The following CAMK2A variants were observed in gnomAD, a reference collection of about 807,000 sequenced individuals.
CAMK2A encodes the protein calcium/calmodulin dependent protein kinase II alpha.
Under a neutral mutation model 79.2 loss-of-function variants are expected in CAMK2A, and 7 were observed. That is an observed-to-expected ratio of 0.09 (90% confidence interval 0.05 to 0.17). The LOEUF (loss-of-function observed/expected upper bound fraction) is 0.17, where lower values mean the gene tolerates loss of function less well. CAMK2A is among the 10% of genes least tolerant of loss of function. The probability of loss-of-function intolerance (pLI) is 1.00; values close to 1 mark genes in which losing one functional copy is unlikely to be tolerated. For missense variants in CAMK2A, 214 were observed against 646.4 expected, an observed-to-expected ratio of 0.33 and a Z score of 7.25; for synonymous variants, 242 against 251.7, an observed-to-expected ratio of 0.96 and a Z score of 0.36.
intron 1 of CAMK2A, among the ~76,000 whole-genome samples, chr5:150,280,855 C>T (rs1348196124): frequency 6.6e-6 from 1 of 152,212 alleles, no homozygotes; most frequent in Non-Finnish European, 1.5e-5. Context: ...TTCTACCCAC[C>T]CTCTTACCAC....
chr5:150,245,262 C>A, intron 12 of CAMK2A, 61 bp from the exon 13 acceptor site: 1 of 1,540,096 alleles, frequency 6.5e-7, no homozygotes, highest in Non-Finnish European at 9.0e-7. Context: ...GCCCACAGGG[C>A]GAGGACGAGC....
At chr5:150,272,694 C>T (rs1012475792) in intron 2 of CAMK2A, among the ~76,000 whole-genome samples, 2 of 151,740 alleles carry the variant, frequency 1.3e-5, no homozygotes, top group African/African-American at 4.8e-5. Flanking sequence ...TGAGAAACAG[C>T]CATTCATGAA....
At chr5:150,234,267 A>T (rs1328371240) in intron 15 of CAMK2A, among the ~76,000 whole-genome samples, 3 of 152,124 alleles carry the variant, frequency 2.0e-5, no homozygotes, top group African/African-American at 7.2e-5. Flanking sequence ...CCTGTGCTCA[A>T]TGCCTGTTTC....
chr5:150,264,924 C>G, intron 3 of CAMK2A, 32 bp downstream of exon 3: 1 of 1,594,040 alleles, frequency 6.3e-7, no homozygotes, highest in Admixed American at 1.7e-5. Flanking sequence ...GGGCCTGGCT[C>G]CCCTGCGCCC....
At chr5:150,285,086 T>C (rs189316722) in intron 1 of CAMK2A, among the ~76,000 whole-genome samples, 120 of 152,320 alleles carry the variant, frequency 7.9e-4, no homozygotes, top group Admixed American at 1.1e-3. Context: ...AGAGTTTCCC[T>C]GCCCACATGG....
Position 150,223,182 on chromosome 5 carries a change from T to C in CAMK2A, c.1273A>G (p.Ile425Val). ...ATCAGGTGGATGTGGGGATTCAGGA[T>C]GGTGGTGTGCACGGGCTTGCTGTTC... The part of the protein sequence containing the change: ...SRNSKPVHTT[I>V]LNPHIHLMGD... Residue 425 changes from isoleucine (I) to valine (V), a missense_variant, in exon 18 of 19, where the codon ATC (isoleucine) becomes GTC (valine). Around this residue, in one of 4 missense-constraint regions of CAMK2A, gnomAD observed 123 missense variants for 242.4 expected, o/e 0.51. Coordinates refer to ENST00000671881, the MANE Select transcript of CAMK2A (RefSeq NM_015981.4). This position sits in a 1 kb window ranked among gnomAD's most constrained non-coding sequence, Gnocchi z 4.1. The C allele has an allele frequency of 6.2e-7, 1 of 1,613,854 alleles. No individual in the cohort carries two copies. The highest frequency in any genetic ancestry group is 8.5e-7 in the Non-Finnish European group (1 of 1,180,028).
chr5:150,229,868 C>A (rs181836513), intron 16 of CAMK2A, among the ~76,000 whole-genome samples: 1 of 152,340 alleles, frequency 6.6e-6, no homozygotes. Context: ...TTTAAACGTG[C>A]ACACATGTGT....
Position 150,221,990 on chromosome 5 carries a change from T to C in CAMK2A, c.*720A>G, listed in dbSNP as rs1754332115. The stretch of plus-strand genomic sequence containing the variant: ...CCCCCAAAAACAATTAGATTCCCTC[T>C]CTGAGATACGACAAAGCTGGAATTC... On this transcript the variant is annotated 3_prime_UTR_variant, in exon 19 of 19. Transcript: ENST00000671881. 5.2e-6 allele frequency: 1 copy of C among 193,808 alleles called. No homozygotes were observed. The highest frequency in any genetic ancestry group is 2.3e-5 in the African/African-American group (1 of 43,306). The allele number at this position is 193,808 out of a possible 1,614,324, so 12.0% of individuals were successfully genotyped here. A position where few individuals can be genotyped will look rare whatever the true frequency, so the allele number is the denominator to read the frequency against.
At chr5:150,282,925 T>C (rs1038511893) in intron 1 of CAMK2A, among the ~76,000 whole-genome samples, 1 of 152,256 alleles carries the variant, frequency 6.6e-6, no homozygotes, top group African/African-American at 2.4e-5. Flanking sequence ...ACCATTGGAA[T>C]GTCTTCCTTC....
rs868450966 is a variant in CAMK2A at position 150,222,406 on chromosome 5, C to G, written c.*304G>C. Reference sequence around the variant, plus strand: ...TTCTAGCCTACAGCCCAAGACAGATCAGGCGGACAGCAGCTGAGGCTGGGG... The same window carrying G: ...TTCTAGCCTACAGCCCAAGACAGATGAGGCGGACAGCAGCTGAGGCTGGGG... On this transcript the variant is annotated 3_prime_UTR_variant, in exon 19 of 19. Coordinates refer to ENST00000671881, the MANE Select transcript of CAMK2A (RefSeq NM_015981.4). The G allele has an allele frequency of 9.3e-5, 62 of 669,900 alleles. No homozygotes were observed. The Middle Eastern group carries it at 1.1e-3, about 11-fold the overall frequency. 41.5% of individuals were successfully genotyped at this position (669,900 alleles called of 1,614,324 possible).
chr5:150,270,142 T>A (rs1347750079), intron 2 of CAMK2A, among the ~76,000 whole-genome samples: 1 of 151,960 alleles, frequency 6.6e-6, no homozygotes, highest in Non-Finnish European at 1.5e-5. Flanking sequence ...CTGATGGGGG[T>A]TAACACTGAG....
chr5:150,248,377 G>A (rs1393931074), intron 11 of CAMK2A, among the ~76,000 whole-genome samples: 1 of 148,754 alleles, frequency 6.7e-6, no homozygotes, highest in African/African-American at 2.5e-5. Context: ...GGGTACATGT[G>A]CACAACGTGC....
At chr5:150,262,288 G>C (rs1756333606) in intron 3 of CAMK2A, among the ~76,000 whole-genome samples, 1 of 152,184 alleles carries the variant, frequency 6.6e-6, no homozygotes, top group African/African-American at 2.4e-5. Context: ...GGCTGAACAG[G>C]ACTCAGTCCA....
chr5:150,280,801 C>T (rs905147602), intron 1 of CAMK2A, among the ~76,000 whole-genome samples: 2 of 152,180 alleles, frequency 1.3e-5, no homozygotes, highest in African/African-American at 4.8e-5. Flanking sequence ...CTGACAGTGC[C>T]TTTGCTGCCC....
chr5:150,236,487 T>C (rs1323236925), intron 15 of CAMK2A, among the ~76,000 whole-genome samples: 1 of 152,246 alleles, frequency 6.6e-6, no homozygotes, highest in Non-Finnish European at 1.5e-5. Context: ...CTGAGGTTGG[T>C]ACTATTTTCA....
intron 16 of CAMK2A, among the ~76,000 whole-genome samples, chr5:150,230,222 G>T (rs1172179666): frequency 1.3e-5 from 2 of 148,940 alleles, no homozygotes. Context: ...GGAGGCTGAG[G>T]CAGGAGAATC....
chr5:150,239,771 A>T, intron 13 of CAMK2A, 35 bp from the exon 14 acceptor site: 1 of 1,601,726 alleles, frequency 6.2e-7, no homozygotes, highest in Non-Finnish European at 8.6e-7. Context: ...GGACAGGAAA[A>T]GACACAGCGT....
At position 150,251,759 on chromosome 5, in the gene CAMK2A, G is replaced by A. The variant is rs749308142; in HGVS notation, c.684C>T (p.Gly228=). ...QHRLYQQIKA[G]AYDFPSPEWD... ...GAGGAGCGACACTCACATCATAGGC[G>A]CCGGCTTTGATCTGCTGGTACAGGC... The change falls in exon 9 of 19, where the codon GGC becomes GGT. Residue 228 remains glycine (G), a synonymous_variant. Transcript: ENST00000671881. 1.6e-4 allele frequency: 255 copies of A among 1,603,808 alleles called. 1 individual carries two copies. Among genetic ancestry groups the A allele is most frequent in the Admixed American group, 7.1e-4 (41 of 58,024 alleles).
intron 1 of CAMK2A, among the ~76,000 whole-genome samples, chr5:150,278,922 G>A (rs1757090901): frequency 6.6e-6 from 1 of 152,206 alleles, no homozygotes. Context: ...TGTAGGCAGG[G>A]AGGGGTGTGT....
Sources: allele counts gnomAD v4.1 joint callset (sites outside exome capture counted in the v4.1 genomes callset), GRCh38; gene constraint gnomAD v4.1.1; regional missense constraint gnomAD v4.1.1; non-coding constraint Gnocchi (gnomAD v3.1); transcripts MANE v1.5; gene names NCBI Gene and HGNC (gene_info 2026-07-23, HGNC 2026-07-21).